CPEB2: variants seen among roughly 807,000 people sequenced by gnomAD.
The protein encoded by CPEB2 is cytoplasmic polyadenylation element-binding protein 2.
CPEB2 carries 56 observed loss-of-function variants against 93.6 expected under a neutral mutation model. That is an observed-to-expected ratio of 0.60 (90% CI 0.48 to 0.75). The LOEUF (loss-of-function observed/expected upper bound fraction) is 0.75. Ranked by LOEUF, CPEB2 falls within the 30% of genes least tolerant of loss-of-function variation. The pLI is 0.00. For synonymous variants in CPEB2, 764 were observed against 586.3 expected, an observed-to-expected ratio of 1.30 and a Z score of -4.38; for missense variants, 1,579 against 1,395.1, an observed-to-expected ratio of 1.13 and a Z score of -2.10.
At chr4:15,045,414 A>G (rs1444031425) in intron 6 of CPEB2, among the ~76,000 whole-genome samples, 1 of 152,160 alleles carries the variant, frequency 6.6e-6, no homozygotes. Context: ...CATATTATAT[A>G]TATATGAGCG....
At chr4:15,035,167 T>TA (rs1239850486) in intron 5 of CPEB2, among the ~76,000 whole-genome samples, 1 of 152,150 alleles carries the variant, frequency 6.6e-6, no homozygotes, top group Non-Finnish European at 1.5e-5. Flanking sequence ...TTGTTAGCTT[T>TA]AAAAATCAGT....
chr4:15,048,863 CTTAT>C (rs1383345167), intron 6 of CPEB2, among the ~76,000 whole-genome samples: 1 of 151,872 alleles, frequency 6.6e-6, no homozygotes, highest in Non-Finnish European at 1.5e-5. Flanking sequence ...GTAGATATAA[CTTAT>C]TTAATGGTTC....
Position 15,008,329 on chromosome 4 carries a change from C to A in CPEB2, c.1945-9C>A. ...CTCATTTCTGATGAAAACTTCTATG[C>A]TATTGAAGGTGAGATCTAGTTTGCA... On this transcript the variant is annotated splice_polypyrimidine_tract_variant and intron_variant, in intron 2 of 11. Transcript: ENST00000538197. 2 of 1,599,500 alleles carry A rather than the reference C, an allele frequency of 1.3e-6. No individual in the cohort carries two copies. Among genetic ancestry groups the A allele is most frequent in the Non-Finnish European group, 1.7e-6 (2 of 1,167,026 alleles).
At chr4:15,065,422 C>A (rs1233805747) in intron 11 of CPEB2, among the ~76,000 whole-genome samples, 2 of 152,044 alleles carry the variant, frequency 1.3e-5, no homozygotes, top group African/African-American at 4.8e-5. Context: ...GAAAGCAAGG[C>A]TATTGCAGCT....
At chr4:15,010,467 C>T (rs1723325530) in intron 3 of CPEB2, 1 of 152,144 alleles carries the variant, frequency 6.6e-6, no homozygotes, top group Non-Finnish European at 1.5e-5. Flanking sequence ...GTCATTGTCT[C>T]CTCTAAGTAC....
In CPEB2 at chr4:15,003,383, G is replaced by T; in HGVS notation, c.710G>T (p.Ser237Ile). Residue 237 changes from serine (S) to isoleucine (I), a missense_variant, in exon 1 of 12, where the codon AGC (serine) becomes ATC (isoleucine). Around this residue, in one of 2 missense-constraint regions of CPEB2, gnomAD observed 1,411 missense variants for 1,056.0 expected, o/e 1.34. Transcript: ENST00000538197. Reference sequence around the variant, plus strand: ...CAGCAACAGCCGCCGCAGCAGTTCAGCCTCCTGCATCAGCAGCACCTCTCG... The same window carrying T: ...CAGCAACAGCCGCCGCAGCAGTTCATCCTCCTGCATCAGCAGCACCTCTCG... ...RQQQQPPQQF[S>I]LLHQQHLSPQ... 7.2e-7 allele frequency: 1 copy of T among 1,380,036 alleles called. No homozygotes were observed. The highest frequency in any genetic ancestry group is 9.3e-7 in the Non-Finnish European group (1 of 1,078,882). 85.5% of individuals were successfully genotyped at this position (1,380,036 alleles called of 1,614,324 possible). A position where few individuals can be genotyped will look rare whatever the true frequency, so the allele number is the denominator to read the frequency against.
intron 5 of CPEB2, 89 bp downstream of exon 5, chr4:15,033,300 A>G (rs1726304504): frequency 5.0e-6 from 4 of 807,824 alleles, no homozygotes; most frequent in Non-Finnish European, 8.3e-6. Flanking sequence ...CATACACACA[A>G]TTTAATCATT....
At chr4:15,008,592 G>A (rs1208503845) in intron 3 of CPEB2, among the ~76,000 whole-genome samples, 165 bp downstream of exon 3, 1 of 152,118 alleles carries the variant, frequency 6.6e-6, no homozygotes, top group African/African-American at 2.4e-5. Flanking sequence ...ACTATTTAAT[G>A]TAAGAAATTT....
intron 6 of CPEB2, among the ~76,000 whole-genome samples, chr4:15,041,832 A>G (rs1727218307): frequency 2.0e-5 from 3 of 152,218 alleles, no homozygotes; most frequent in Admixed American, 1.3e-4. Flanking sequence ...TCCCAATTTT[A>G]TATTTCAGAT....
chr4:15,034,712 A>G (rs1412169027), intron 5 of CPEB2, among the ~76,000 whole-genome samples: 3 of 152,218 alleles, frequency 2.0e-5, no homozygotes, highest in South Asian at 2.1e-4. Flanking sequence ...TTTTCGGATC[A>G]TTGGTTGAGA....
intron 5 of CPEB2, among the ~76,000 whole-genome samples, chr4:15,037,130 G>A (rs999346831): frequency 1.3e-5 from 2 of 151,988 alleles, no homozygotes; most frequent in African/African-American, 2.4e-5. Flanking sequence ...GTGAAACCCC[G>A]TCTCTACTAA....
intron 10 of CPEB2, among the ~76,000 whole-genome samples, chr4:15,060,382 G>GA (rs1265024316): frequency 6.6e-6 from 1 of 152,182 alleles, no homozygotes; most frequent in Admixed American, 6.5e-5. Context: ...GATTCAGAGA[G>GA]AGGGGGGCCA....
Position 15,003,317 on chromosome 4 carries a change from C to T in CPEB2, c.644C>T (p.Ala215Val). The T allele has an allele frequency of 2.1e-6, 3 of 1,419,616 alleles. No homozygotes were observed. In the East Asian group the frequency reaches 9.0e-5, roughly 42 times the overall value. The allele number at this position is 1,419,616 out of a possible 1,614,324, so 87.9% of individuals were successfully genotyped here. A position where few individuals can be genotyped will look rare whatever the true frequency, so the allele number is the denominator to read the frequency against. The change falls in exon 1 of 12, where the codon GCC becomes GTC. Residue 215 changes from alanine to valine, a missense_variant. Ala to Val is a moderately conservative substitution (Grantham distance 64, BLOSUM62 0). Coordinates refer to ENST00000538197, the MANE Select transcript of CPEB2 (RefSeq NM_001177382.2). The part of the protein sequence containing the change: ...PGRFSPPPPP[A>V]GPLLQPAQLA... Reference sequence around the variant, plus strand: ...CGGTTCAGCCCGCCGCCGCCGCCAGCCGGCCCGCTCCTCCAGCCGGCGCAG... The same window carrying T: ...CGGTTCAGCCCGCCGCCGCCGCCAGTCGGCCCGCTCCTCCAGCCGGCGCAG...
At chr4:15,049,137 A>T (rs1431613924) in intron 6 of CPEB2, among the ~76,000 whole-genome samples, 1 of 152,032 alleles carries the variant, frequency 6.6e-6, no homozygotes, top group African/African-American at 2.4e-5. Context: ...TAGATTATAG[A>T]TGTTTTTAGT....
chr4:15,012,364 A>T (rs1308499056), intron 3 of CPEB2, among the ~76,000 whole-genome samples: 2 of 152,168 alleles, frequency 1.3e-5, no homozygotes, highest in African/African-American at 2.4e-5. Context: ...TTTTTCTGAG[A>T]ATGGCTAACA....
At position 15,040,455 on chromosome 4, in the gene CPEB2, T is replaced by G; in HGVS notation, c.2177-9T>G. 1 of 1,536,318 alleles carries G rather than the reference T, an allele frequency of 6.5e-7. No individual in the cohort carries two copies. The highest frequency in any genetic ancestry group is 8.7e-7 in the Non-Finnish European group (1 of 1,146,818). ...GACATTTTACAATTTGTGCTTTGTT[T>G]ACATGCAGCAAGGAGTTATGGGCGA... is the stretch of plus-strand genomic sequence containing the variant. On this transcript the variant is annotated splice_polypyrimidine_tract_variant and intron_variant, in intron 5 of 11. Coordinates refer to ENST00000538197, the MANE Select transcript of CPEB2 (RefSeq NM_001177382.2).
chr4:15,026,473 G>T (rs541487055), intron 4 of CPEB2, among the ~76,000 whole-genome samples: 17 of 152,038 alleles, frequency 1.1e-4, no homozygotes, highest in Non-Finnish European at 4.4e-5. Flanking sequence ...TGATCCACCC[G>T]CCTGGGTCTC....
chr4:15,050,942 A>G (rs1056545032), intron 6 of CPEB2, among the ~76,000 whole-genome samples: 3 of 152,180 alleles, frequency 2.0e-5, no homozygotes, highest in Admixed American at 6.5e-5. Flanking sequence ...GCTTCCTACT[A>G]TACATTTGCT....
intron 11 of CPEB2, among the ~76,000 whole-genome samples, chr4:15,064,787 A>G (rs1466644874): frequency 6.6e-6 from 1 of 152,114 alleles, no homozygotes; most frequent in African/African-American, 2.4e-5. Context: ...TGCTACCTTA[A>G]TTTATTCTTT....
Sources: allele counts gnomAD v4.1 joint callset (sites outside exome capture counted in the v4.1 genomes callset), GRCh38; gene constraint gnomAD v4.1.1; regional missense constraint gnomAD v4.1.1; transcripts MANE v1.5; gene names NCBI Gene and HGNC (gene_info 2026-07-23, HGNC 2026-07-21).